The following TCF12 variants were observed in gnomAD, a reference collection of about 807,000 sequenced individuals.
TCF12 encodes the protein transcription factor 12.
TCF12 carries 45 observed loss-of-function variants against 86.0 expected under a neutral mutation model. That is an observed-to-expected ratio of 0.52 (90% CI 0.41 to 0.67). The LOEUF is 0.67. TCF12 is among the 30% of genes least tolerant of loss of function. The pLI is 0.00. For missense variants in TCF12, 881 were observed against 859.9 expected (o/e 1.02, Z -0.31); for synonymous variants, 330 against 299.6 (o/e 1.10, Z -1.05).
At position 57,273,184 on chromosome 15, in the gene TCF12, A is replaced by C; in HGVS notation, c.1900A>C (p.Ser634Arg). Residue 634 changes from serine to arginine, a missense_variant, in exon 19 of 21, where the codon AGT becomes CGT. Around this residue, in one of 3 missense-constraint regions of TCF12, gnomAD observed 46 missense variants for 76.7 expected, o/e 0.60. Coordinates refer to ENST00000333725, the MANE Select transcript of TCF12 (RefSeq NM_207037.2). The part of the protein sequence containing the change: ...LGRMCQLHLK[S>R]EKPQTKLLIL... The stretch of plus-strand genomic sequence containing the variant: ...CCGAATGTGTCAGCTTCACTTGAAG[A>C]GTGAAAAACCCCAAACAAAACTCCT... 1 of 1,614,210 alleles carries C rather than the reference A, an allele frequency of 6.2e-7. No individual in the cohort carries two copies. The highest frequency in any genetic ancestry group is 8.5e-7 in the Non-Finnish European group (1 of 1,180,046).
At chr15:57,161,865 A>G (rs2054527992) in intron 5 of TCF12, among the ~76,000 whole-genome samples, 1 of 152,222 alleles carries the variant, frequency 6.6e-6, no homozygotes, top group East Asian at 1.9e-4. Context: ...CTGCTGCTAA[A>G]TCTTATTAAT....
chr15:57,262,264 CT>C, intron 17 of TCF12, 56 bp downstream of exon 17: 1 of 1,230,214 alleles, frequency 8.1e-7, no homozygotes, highest in Non-Finnish European at 1.2e-6. Flanking sequence ...ATTTGGAACA[CT>C]GTCACCTTTC....
chr15:56,952,193 C>CACAT (rs1555455996), intron 3 of TCF12, among the ~76,000 whole-genome samples: 2 of 151,604 alleles, frequency 1.3e-5, no homozygotes, highest in Admixed American at 1.3e-4. Flanking sequence ...TGTATATACA[C>CACAT]ACACACACAC....
At chr15:57,273,385 T>C (rs1415197412) in intron 19 of TCF12, 123 bp downstream of exon 19, 2 of 987,056 alleles carry the variant, frequency 2.0e-6, no homozygotes, top group African/African-American at 3.3e-5. Context: ...TTCTACTGTA[T>C]CATCAGGGTC....
intron 3 of TCF12, among the ~76,000 whole-genome samples, chr15:57,047,618 C>T (rs1379325951): frequency 1.3e-5 from 2 of 152,066 alleles, no homozygotes; most frequent in African/African-American, 4.8e-5. Flanking sequence ...GATTTTTCAC[C>T]CTTCTTCTCT....
chr15:56,981,531 G>T (rs1306248106), intron 3 of TCF12, among the ~76,000 whole-genome samples: 1 of 152,040 alleles, frequency 6.6e-6, no homozygotes, highest in Admixed American at 6.6e-5. Context: ...GTGGCATTGG[G>T]GATTAAGTTT....
At chr15:56,952,659 A>G (rs1455414312) in intron 3 of TCF12, among the ~76,000 whole-genome samples, 9 of 152,130 alleles carry the variant, frequency 5.9e-5, no homozygotes, top group Admixed American at 4.6e-4. Context: ...CATTGTTTTA[A>G]AAATTCAATT....
At chr15:57,170,734 TATA>T (rs57000430) in intron 6 of TCF12, among the ~76,000 whole-genome samples, 48 of 2,324 alleles carry the variant, frequency 0.021, no homozygotes, top group African/African-American at 0.041. Context: ...ATATATTATA[TATA>T]ATATATATTA....
At position 57,034,662 on chromosome 15, in the gene TCF12, C is replaced by T. The variant is rs111941717; in HGVS notation, c.149-29088C>T. On this transcript the variant is annotated intron_variant, in intron 3 of 20. Transcript: ENST00000333725. ...ATATCTGTATACTTTTCATTTCATACTCATGATACAGTGAATTTAATAGTG... is the reference window on the plus strand; with the variant it reads ...ATATCTGTATACTTTTCATTTCATATTCATGATACAGTGAATTTAATAGTG... 5.7e-3 allele frequency among the ~76,000 whole-genome samples: 874 copies of T among 152,168 alleles called. 13 individuals carry two copies. The East Asian group carries it at 0.059, about 10-fold the overall frequency.
chr15:57,228,239 A>AG (rs1215588307), intron 8 of TCF12, among the ~76,000 whole-genome samples: 1 of 152,110 alleles, frequency 6.6e-6, no homozygotes, highest in Non-Finnish European at 1.5e-5. Flanking sequence ...CTGCTGCTTC[A>AG]TAACATTGCA....
intron 19 of TCF12, among the ~76,000 whole-genome samples, chr15:57,276,954 A>G (rs2061427392): frequency 6.6e-6 from 1 of 151,810 alleles, no homozygotes; most frequent in African/African-American, 2.4e-5. Context: ...ACAGGCACGC[A>G]TCACCATGCC....
chr15:57,047,991 CAT>C (rs2067346421), intron 3 of TCF12, among the ~76,000 whole-genome samples: 1 of 105,064 alleles, frequency 9.5e-6, no homozygotes, highest in South Asian at 2.9e-4. Context: ...TGTATCTAAA[CAT>C]AGAAAAGGTA....
chr15:57,112,750 A>G (rs1319210589), intron 5 of TCF12, among the ~76,000 whole-genome samples: 1 of 152,184 alleles, frequency 6.6e-6, no homozygotes, highest in African/African-American at 2.4e-5. Context: ...AGTGTGGGAA[A>G]TATCAAGATG....
At chr15:56,920,068 G>A (rs2059712289) in intron 2 of TCF12, 80 bp downstream of exon 2, 1 of 1,516,718 alleles carries the variant, frequency 6.6e-7, no homozygotes, top group Non-Finnish European at 9.1e-7. Flanking sequence ...TAAATAAAGG[G>A]TGAGGGGAAG....
At chr15:56,983,112 T>G (rs1051280187) in intron 3 of TCF12, among the ~76,000 whole-genome samples, 1 of 152,226 alleles carries the variant, frequency 6.6e-6, no homozygotes, top group Non-Finnish European at 1.5e-5. Flanking sequence ...GGGACATTCT[T>G]AATGATTCAG....
In TCF12 at chr15:57,252,442, C is replaced by CT; in HGVS notation, c.1212dup (p.His405SerfsTer16). 1 of 1,614,008 alleles carries CT rather than the reference C, an allele frequency of 6.2e-7. No homozygotes were observed. Among genetic ancestry groups the CT allele is most frequent in the Non-Finnish European group, 8.5e-7 (1 of 1,179,920 alleles). On this transcript the variant is annotated frameshift_variant, in exon 15 of 21. Transcript: ENST00000333725. LOFTEE classifies it high-confidence loss of function. ...CCAGAAAAATCGAGTTGAGCAGCAA[C>CT]TTCACGAGCATTTGCAAGATGCAAT...
intron 6 of TCF12, among the ~76,000 whole-genome samples, chr15:57,182,730 G>T (rs758978978): frequency 3.2e-4 from 49 of 151,980 alleles, no homozygotes; most frequent in Non-Finnish European, 6.3e-4. Flanking sequence ...TGAGGAAAAA[G>T]GTTTATCAAC....
chr15:56,955,813 A>T (rs1006371380), intron 3 of TCF12, among the ~76,000 whole-genome samples: 1 of 152,110 alleles, frequency 6.6e-6, no homozygotes, highest in Non-Finnish European at 1.5e-5. Flanking sequence ...GAGATCTATC[A>T]ATTATTGAAA....
chr15:56,992,436 A>G (rs923328795), intron 3 of TCF12, among the ~76,000 whole-genome samples: 1 of 152,226 alleles, frequency 6.6e-6, no homozygotes, highest in Non-Finnish European at 1.5e-5. Flanking sequence ...GAAAGAGATT[A>G]AGGGTCATTC....
Sources: allele counts gnomAD v4.1 joint callset (sites outside exome capture counted in the v4.1 genomes callset), GRCh38; gene constraint gnomAD v4.1.1; regional missense constraint gnomAD v4.1.1; transcripts MANE v1.5; gene names NCBI Gene and HGNC (gene_info 2026-07-23, HGNC 2026-07-21).